CCSER1: variants seen among roughly 807,000 people sequenced by gnomAD.
The protein encoded by CCSER1 is serine-rich coiled-coil domain-containing protein 1.
In CCSER1, 41 loss-of-function variants were observed where a neutral mutation model predicts 82.0. The observed-to-expected ratio is 0.50, with a 90% CI of 0.39 to 0.65. The LOEUF is 0.65. CCSER1 is among the 30% of genes least tolerant of loss of function. The pLI, the probability that CCSER1 is intolerant of heterozygous loss-of-function variation, is 0.00. For synonymous variants in CCSER1, 414 were observed against 383.9 expected, an observed-to-expected ratio of 1.08 and a Z score of -0.92; for missense variants, 1,119 against 1,064.2, an observed-to-expected ratio of 1.05 and a Z score of -0.72.
chr4:90,871,526 G>A (rs1053684405), intron 8 of CCSER1, among the ~76,000 whole-genome samples: 4 of 151,722 alleles, frequency 2.6e-5, no homozygotes, highest in African/African-American at 9.7e-5. Flanking sequence ...TAGTTAGAAA[G>A]GATAATTGAT....
At chr4:90,894,609 C>A (rs1723436416) in intron 8 of CCSER1, among the ~76,000 whole-genome samples, 1 of 151,938 alleles carries the variant, frequency 6.6e-6, no homozygotes, top group Admixed American at 6.6e-5. Context: ...GTCTTCTTCT[C>A]AACTTGCTTC....
intron 5 of CCSER1, among the ~76,000 whole-genome samples, chr4:90,523,317 A>G (rs577366495): frequency 7.7e-4 from 118 of 152,304 alleles, no homozygotes; most frequent in Non-Finnish European, 1.3e-3. Context: ...AAATGTCAGT[A>G]TAATAGACAA....
intron 8 of CCSER1, among the ~76,000 whole-genome samples, chr4:90,835,849 C>G (rs1056727555): frequency 2.6e-4 from 40 of 151,804 alleles, no homozygotes; most frequent in African/African-American, 9.7e-4. Flanking sequence ...GAATCTCATG[C>G]CATTGTGAAA....
intron 7 of CCSER1, among the ~76,000 whole-genome samples, chr4:90,785,833 T>G (rs1287774355): frequency 6.6e-6 from 1 of 152,238 alleles, no homozygotes; most frequent in Non-Finnish European, 1.5e-5. Context: ...CTTTTCTACT[T>G]GTAAAGTGTT....
chr4:90,365,469 G>T (rs1746126396), intron 3 of CCSER1, among the ~76,000 whole-genome samples: 1 of 151,622 alleles, frequency 6.6e-6, no homozygotes, highest in Admixed American at 6.6e-5. Flanking sequence ...AGACTTTAAA[G>T]ATCATAATTT....
At chr4:90,743,172 A>G (rs768469957) in intron 7 of CCSER1, among the ~76,000 whole-genome samples, 4 of 152,240 alleles carry the variant, frequency 2.6e-5, no homozygotes, top group Non-Finnish European at 2.9e-5. Context: ...CCACTTTAAA[A>G]TGCATTCCAA....
chr4:91,082,291 C>G (rs147210948), intron 9 of CCSER1, among the ~76,000 whole-genome samples: 29,766 of 151,646 alleles, frequency 0.2, 3,783 homozygotes, highest in Non-Finnish European at 0.28. Flanking sequence ...ACAAACCTGA[C>G]AAAAACAAGA....
At chr4:91,558,773 C>A (rs1245824254) in intron 10 of CCSER1, among the ~76,000 whole-genome samples, 1 of 151,466 alleles carries the variant, frequency 6.6e-6, no homozygotes, top group Non-Finnish European at 1.5e-5. Context: ...AAGACTGGCC[C>A]CCATGGTTCA....
intron 1 of CCSER1, among the ~76,000 whole-genome samples, chr4:90,167,474 A>G (rs565866449): frequency 3.7e-4 from 57 of 152,084 alleles, no homozygotes; most frequent in African/African-American, 1.3e-3. Context: ...TATTTGTTTT[A>G]TTATTATTTT....
Position 91,482,041 on chromosome 4 carries a change from C to T in CCSER1, c.2218-116531C>T, listed in dbSNP as rs755445810. Among the ~76,000 whole-genome samples, 44 of 151,948 alleles carry T rather than the reference C, an allele frequency of 2.9e-4. 1 individual carries two copies. Among genetic ancestry groups the T allele is most frequent in the East Asian group, 2.3e-3 (12 of 5,160 alleles). ...AAAAATGCTCATCATCACTGGCGAT[C>T]AGAGAGATGCAAATCAAAACCATGA... On this transcript the variant is annotated intron_variant, in intron 10 of 10. Transcript: ENST00000509176.
intron 1 of CCSER1, among the ~76,000 whole-genome samples, chr4:90,168,280 G>T (rs1325874649): frequency 6.6e-6 from 1 of 152,132 alleles, no homozygotes; most frequent in Non-Finnish European, 1.5e-5. Context: ...CTTCTTTTGA[G>T]AAGTGTCTGT....
intron 10 of CCSER1, among the ~76,000 whole-genome samples, chr4:91,279,912 T>C (rs74504396): frequency 0.018 from 2,813 of 152,282 alleles, 87 homozygotes; most frequent in African/African-American, 0.061. Flanking sequence ...AAGGACTTTT[T>C]TCCTGAAGAT....
chr4:90,598,286 T>A (rs1450130403), intron 5 of CCSER1, among the ~76,000 whole-genome samples: 2 of 152,100 alleles, frequency 1.3e-5, no homozygotes, highest in East Asian at 3.8e-4. Flanking sequence ...TTTTTAAATA[T>A]ACTTTAAGTT....
chr4:90,247,907 C>T (rs1184033281), intron 1 of CCSER1, among the ~76,000 whole-genome samples: 1 of 151,660 alleles, frequency 6.6e-6, no homozygotes, highest in African/African-American at 2.4e-5. Context: ...AAGCAATTTC[C>T]CAACCTGTAG....
chr4:91,376,330 A>G (rs1220048841), intron 10 of CCSER1, among the ~76,000 whole-genome samples: 1 of 152,182 alleles, frequency 6.6e-6, no homozygotes. Context: ...GGCATAGCCT[A>G]TTGCTCTTAG....
chr4:90,768,605 CA>C (rs1164809206), intron 7 of CCSER1, among the ~76,000 whole-genome samples: 21 of 152,122 alleles, frequency 1.4e-4, no homozygotes, highest in African/African-American at 5.1e-4. Flanking sequence ...GCTATTGTTA[CA>C]TGTCTCATAG....
At chr4:90,636,518 C>T (rs554285011) in intron 6 of CCSER1, among the ~76,000 whole-genome samples, 1 of 151,974 alleles carries the variant, frequency 6.6e-6, no homozygotes, top group South Asian at 2.1e-4. Flanking sequence ...TAAATAATGA[C>T]CTATTTGCTT....
intron 7 of CCSER1, chr4:90,781,200 G>C (rs538619059): frequency 1.1e-6 from 1 of 913,482 alleles, no homozygotes; most frequent in Non-Finnish European, 1.3e-6. Flanking sequence ...CTCGACATGA[G>C]ATTTGAGCAG....
intron 10 of CCSER1, among the ~76,000 whole-genome samples, chr4:91,414,220 C>T (rs1054942370): frequency 6.6e-6 from 1 of 151,844 alleles, no homozygotes; most frequent in African/African-American, 2.4e-5. Flanking sequence ...ATACTAATAA[C>T]TATCACTACA....
Sources: allele counts gnomAD v4.1 joint callset (sites outside exome capture counted in the v4.1 genomes callset), GRCh38; gene constraint gnomAD v4.1.1; transcripts MANE v1.5; gene names NCBI Gene and HGNC (gene_info 2026-07-23, HGNC 2026-07-21).